COL15A1: variants seen among roughly 807,000 people sequenced by gnomAD.
COL15A1 encodes the protein collagen type XV alpha 1 chain.
Under a neutral mutation model 165.9 loss-of-function variants are expected in COL15A1, and 111 were observed. The observed-to-expected ratio is 0.67, with a 90% CI of 0.57 to 0.78. The LOEUF (loss-of-function observed/expected upper bound fraction) is 0.78, where lower values mean the gene tolerates loss of function less well. Among genes scored for constraint, COL15A1 ranks in the 30% least tolerant of loss-of-function variants. The pLI is 0.00. For missense variants in COL15A1, 1,745 were observed against 1,789.7 expected, an observed-to-expected ratio of 0.98 and a Z score of 0.45; for synonymous variants, 659 against 674.8, an observed-to-expected ratio of 0.98 and a Z score of 0.36.
At chr9:99,059,531 CTT>C (rs1204506685) in intron 35 of COL15A1, among the ~76,000 whole-genome samples, 1 of 152,206 alleles carries the variant, frequency 6.6e-6, no homozygotes, top group Non-Finnish European at 1.5e-5. Context: ...ATGCTTGTCT[CTT>C]GGGTGAAATA....
rs1371546082 is a variant in COL15A1, at chr9:99,042,041, C to T, written c.2512-4C>T. ...ACCAAATACTATATAACAATTCCTT[C>T]CAGGGTCCTAGAGGACCAAAAGGTG... is the stretch of plus-strand genomic sequence containing the variant. On this transcript the variant is annotated splice_polypyrimidine_tract_variant and splice_region_variant and intron_variant, in intron 23 of 41. Transcript: ENST00000375001. The T allele has an allele frequency of 6.3e-7, 1 of 1,596,502 alleles. No individual in the cohort carries two copies. The highest frequency in any genetic ancestry group is 1.1e-5 in the South Asian group (1 of 89,704).
At chr9:98,980,014 T>C (rs1366969909) in intron 2 of COL15A1, among the ~76,000 whole-genome samples, 1 of 152,006 alleles carries the variant, frequency 6.6e-6, no homozygotes, top group East Asian at 1.9e-4. Context: ...AAAAATTAGC[T>C]GAGTGTGATG....
At chr9:98,982,383 A>C (rs1838247038) in intron 2 of COL15A1, among the ~76,000 whole-genome samples, 1 of 152,222 alleles carries the variant, frequency 6.6e-6, no homozygotes, top group African/African-American at 2.4e-5. Context: ...AAGTCTTTGA[A>C]ATTTAGTTTG....
Position 99,049,872 on chromosome 9 carries a change from G to T in COL15A1, c.2881G>T (p.Val961Phe). The stretch of plus-strand genomic sequence containing the variant: ...CCCACAGGCCATTTTCCCAATACCC[G>T]TCCGACCACACTGCAAAATGCCAGT... The part of the protein sequence containing the change: ...NIKGAIFPIP[V>F]RPHCKMPVDT... The change falls in exon 30 of 42, where the codon GTC (valine) becomes TTC (phenylalanine). Residue 961 changes from valine (V) to phenylalanine (F), a missense_variant. Coordinates refer to ENST00000375001, the MANE Select transcript of COL15A1 (RefSeq NM_001855.5). 6.2e-7 allele frequency: 1 copy of T among 1,614,164 alleles called. No individual in the cohort carries two copies. Among genetic ancestry groups the T allele is most frequent in the Non-Finnish European group, 8.5e-7 (1 of 1,180,036 alleles).
chr9:98,997,976 A>G (rs1838578117), intron 6 of COL15A1: 2 of 152,250 alleles, frequency 1.3e-5, no homozygotes, highest in Non-Finnish European at 2.9e-5. Flanking sequence ...TATTTCATTC[A>G]TACATACAGC....
chr9:98,977,428 C>T (rs1838158310), intron 2 of COL15A1, among the ~76,000 whole-genome samples: 1 of 152,250 alleles, frequency 6.6e-6, no homozygotes, highest in Non-Finnish European at 1.5e-5. Context: ...GCTGCCTAAA[C>T]AGGTGGCCCT....
chr9:98,975,988 C>T (rs955621731), intron 2 of COL15A1, among the ~76,000 whole-genome samples: 6 of 152,180 alleles, frequency 3.9e-5, no homozygotes, highest in African/African-American at 1.4e-4. Context: ...GGAGATGAAG[C>T]AGAGGGTGTC....
At chr9:98,947,283 A>G (rs1471262719) in intron 2 of COL15A1, among the ~76,000 whole-genome samples, 1 of 152,192 alleles carries the variant, frequency 6.6e-6, no homozygotes, top group East Asian at 1.9e-4. Flanking sequence ...AAGCTAAGTA[A>G]AAGAAGCCAG....
At chr9:98,962,635 C>A (rs1837882368) in intron 2 of COL15A1, among the ~76,000 whole-genome samples, 1 of 152,102 alleles carries the variant, frequency 6.6e-6, no homozygotes, top group Non-Finnish European at 1.5e-5. Context: ...AGACTCAGGC[C>A]CTCAGGTTTA....
chr9:99,023,073 G>T (rs375388269), intron 13 of COL15A1, among the ~76,000 whole-genome samples: 2 of 152,158 alleles, frequency 1.3e-5, no homozygotes, highest in African/African-American at 4.8e-5. Flanking sequence ...GGAGGGCTTC[G>T]TGTAGGAGGA....
In COL15A1 at chr9:98,965,966, A is replaced by G. The variant is rs533644012; in HGVS notation, c.101-19599A>G. Among the ~76,000 whole-genome samples, 390 of 151,814 alleles carry G rather than the reference A, an allele frequency of 2.6e-3. 1 individual carries two copies. Among genetic ancestry groups the G allele is most frequent in the Non-Finnish European group, 4.4e-3 (297 of 67,936 alleles). On this transcript the variant is annotated intron_variant, in intron 2 of 41. Coordinates refer to ENST00000375001, the MANE Select transcript of COL15A1 (RefSeq NM_001855.5). ...TGGTCCTTTTTTTCCAGGGGACCCAATTCCTTGTCCTCTTGTTCCCCCAGA... is the reference window on the plus strand; with the variant it reads ...TGGTCCTTTTTTTCCAGGGGACCCAGTTCCTTGTCCTCTTGTTCCCCCAGA...
At chr9:99,066,379 T>C (rs1825890328) in intron 39 of COL15A1, among the ~76,000 whole-genome samples, 1 of 152,148 alleles carries the variant, frequency 6.6e-6, no homozygotes. Context: ...CTTCTTTCGA[T>C]GGCTTTCTCC....
chr9:98,963,647 T>C (rs1230639001), intron 2 of COL15A1, among the ~76,000 whole-genome samples: 1 of 152,202 alleles, frequency 6.6e-6, no homozygotes, highest in African/African-American at 2.4e-5. Flanking sequence ...GGTTCAACAC[T>C]TTTTTTAATT....
chr9:99,003,737 A>C (rs776002562), intron 8 of COL15A1, 150 bp downstream of exon 8: 34 of 832,246 alleles, frequency 4.1e-5, no homozygotes, highest in Non-Finnish European at 5.4e-5. Flanking sequence ...ACTAAATAGC[A>C]TTGACCCATT....
chr9:98,996,601 A>G (rs1001030525), intron 5 of COL15A1, among the ~76,000 whole-genome samples: 1 of 152,194 alleles, frequency 6.6e-6, no homozygotes, highest in Non-Finnish European at 1.5e-5. Context: ...TCATTCAATC[A>G]TTCCCTCCTC....
chr9:98,969,023 T>A (rs181295611), intron 2 of COL15A1, among the ~76,000 whole-genome samples: 1 of 152,246 alleles, frequency 6.6e-6, no homozygotes, highest in Admixed American at 6.5e-5. Context: ...TTTGTCCATG[T>A]TAATTGTTCC....
intron 7 of COL15A1, among the ~76,000 whole-genome samples, chr9:99,002,126 C>G (rs547154652): frequency 7.4e-6 from 1 of 134,884 alleles, no homozygotes; most frequent in African/African-American, 3.0e-5. Flanking sequence ...CTCCTCTCTC[C>G]TTTTATTCCC....
intron 11 of COL15A1, 76 bp downstream of exon 11, chr9:99,016,195 A>G (rs1437164677): frequency 2.7e-6 from 4 of 1,489,384 alleles, no homozygotes; most frequent in Non-Finnish European, 3.6e-6. Context: ...AGTTGTGGGA[A>G]GGGCTGGCCC....
chr9:99,037,921 G>T (rs1285660483), intron 21 of COL15A1, among the ~76,000 whole-genome samples: 2 of 152,160 alleles, frequency 1.3e-5, no homozygotes, highest in Non-Finnish European at 2.9e-5. Flanking sequence ...TAGTGCACAT[G>T]GGTGTGTGTA....
Sources: allele counts gnomAD v4.1 joint callset (sites outside exome capture counted in the v4.1 genomes callset), GRCh38; gene constraint gnomAD v4.1.1; transcripts MANE v1.5; gene names NCBI Gene and HGNC (gene_info 2026-07-23, HGNC 2026-07-21).